The following TMEM117 variants were observed in gnomAD, a reference collection of about 807,000 sequenced individuals.
TMEM117 encodes transmembrane protein 117.
Under a neutral mutation model 52.4 loss-of-function variants are expected in TMEM117, and 27 were observed. The ratio of observed to expected loss-of-function variants is 0.51; its 90% CI spans 0.38 to 0.71. TMEM117 has a LOEUF of 0.71. Among genes scored for constraint, TMEM117 ranks in the 30% least tolerant of loss-of-function variants. The pLI is 0.00. For missense variants in TMEM117, 556 were observed against 630.5 expected (o/e 0.88, Z 1.26); for synonymous variants, 215 against 206.3 (o/e 1.04, Z -0.36).
intron 2 of TMEM117, among the ~76,000 whole-genome samples, chr12:43,885,414 C>CTTTTTTTT (rs63547361): frequency 9.1e-4 from 124 of 136,548 alleles, no homozygotes; most frequent in Middle Eastern, 4.1e-3. Context: ...TTTTTCTTTT[C>CTTTTTTTT]TTTTCTTTTT....
intron 5 of TMEM117, among the ~76,000 whole-genome samples, chr12:44,247,465 A>C (rs1031806878): frequency 6.6e-6 from 1 of 152,170 alleles, no homozygotes; most frequent in Non-Finnish European, 1.5e-5. Flanking sequence ...ACAATTGTAC[A>C]TATTTATGGT....
chr12:44,135,272 C>T (rs1948473213), intron 3 of TMEM117, among the ~76,000 whole-genome samples: 1 of 152,180 alleles, frequency 6.6e-6, no homozygotes, highest in African/African-American at 2.4e-5. Flanking sequence ...TACTAGAAAA[C>T]AGGCACTGAG....
intron 2 of TMEM117, among the ~76,000 whole-genome samples, chr12:43,941,816 G>A (rs1427335765): frequency 6.6e-6 from 1 of 152,084 alleles, no homozygotes; most frequent in Non-Finnish European, 1.5e-5. Context: ...CGATGAGCTT[G>A]GCAGTGACAG....
intron 3 of TMEM117, among the ~76,000 whole-genome samples, chr12:43,994,101 T>C (rs754581226): frequency 6.6e-6 from 1 of 152,214 alleles, no homozygotes; most frequent in Non-Finnish European, 1.5e-5. Context: ...GGGACCAACC[T>C]GAGTCCATGG....
chr12:44,326,379 T>TTCTGAATG (rs960109764), intron 6 of TMEM117, among the ~76,000 whole-genome samples: 1 of 152,136 alleles, frequency 6.6e-6, no homozygotes. Flanking sequence ...ATGTTCTGTG[T>TTCTGAATG]TTCAAATGAG....
chr12:44,187,063 C>G (rs1949287664), intron 4 of TMEM117, among the ~76,000 whole-genome samples: 1 of 152,252 alleles, frequency 6.6e-6, no homozygotes, highest in East Asian at 1.9e-4. Flanking sequence ...GCCATCCTTA[C>G]TTAATTCTCA....
chr12:44,268,583 A>T (rs1024710215), intron 5 of TMEM117, among the ~76,000 whole-genome samples: 1 of 152,138 alleles, frequency 6.6e-6, no homozygotes, highest in African/African-American at 2.4e-5. Flanking sequence ...TGAGTTTATC[A>T]TTTATAGAAG....
At chr12:44,211,856 A>G (rs1397312785) in intron 5 of TMEM117, among the ~76,000 whole-genome samples, 5 of 152,166 alleles carry the variant, frequency 3.3e-5, no homozygotes, top group African/African-American at 4.8e-5. Context: ...CTTTGCAATT[A>G]AAAAACAATC....
chr12:43,866,829 G>A (rs898819219), intron 2 of TMEM117, among the ~76,000 whole-genome samples: 2 of 152,160 alleles, frequency 1.3e-5, no homozygotes, highest in Admixed American at 6.5e-5. Context: ...GGTGGCTTAC[G>A]CCTGTAATCC....
the TMEM117 span, among the ~76,000 whole-genome samples, chr12:43,826,960 T>C: frequency 2.6e-5 from 4 of 151,940 alleles, no homozygotes; most frequent in Non-Finnish European, 4.4e-5. Flanking sequence ...ATGACCAAAA[T>C]ACCCTTTTGA....
intron 3 of TMEM117, among the ~76,000 whole-genome samples, chr12:44,099,014 A>G (rs1947819555): frequency 6.6e-6 from 1 of 152,068 alleles, no homozygotes; most frequent in South Asian, 2.1e-4. Flanking sequence ...GAGCAGTCTC[A>G]TGATGTGTTA....
intron 3 of TMEM117, among the ~76,000 whole-genome samples, chr12:43,954,914 G>T (rs559594873): frequency 3.9e-5 from 6 of 152,246 alleles, no homozygotes; most frequent in African/African-American, 1.4e-4. Flanking sequence ...GAATCCAGCA[G>T]CACATCAAAA....
intron 6 of TMEM117, among the ~76,000 whole-genome samples, chr12:44,331,110 C>A (rs1176053193): frequency 6.6e-6 from 1 of 151,614 alleles, no homozygotes; most frequent in Non-Finnish European, 1.5e-5. Context: ...GAGGTGACCA[C>A]TGAATATTTG....
the TMEM117 span, among the ~76,000 whole-genome samples, chr12:43,821,931 G>A: frequency 6.6e-6 from 1 of 152,144 alleles, no homozygotes; most frequent in South Asian, 2.1e-4. Flanking sequence ...AGCCATGATG[G>A]CCTAGAACAC....
downstream of TMEM117, among the ~76,000 whole-genome samples, chr12:44,392,620 C>T (rs1314195233): frequency 6.6e-6 from 1 of 151,454 alleles, no homozygotes; most frequent in African/African-American, 2.4e-5. Flanking sequence ...TGTGCTGCAC[C>T]CATTAACTCG....
intron 2 of TMEM117, among the ~76,000 whole-genome samples, chr12:43,912,446 A>G (rs1944523391): frequency 6.7e-6 from 1 of 150,008 alleles, no homozygotes; most frequent in South Asian, 2.1e-4. Flanking sequence ...ATGTATACGT[A>G]TGTAACTAAC....
At chr12:43,841,955 A>G (rs961021837) in intron 1 of TMEM117, among the ~76,000 whole-genome samples, 4 of 152,216 alleles carry the variant, frequency 2.6e-5, no homozygotes, top group African/African-American at 4.8e-5. Context: ...TGGCGAAAGA[A>G]GCAACAGCAG....
At chr12:44,254,325 T>C (rs944912617) in intron 5 of TMEM117, among the ~76,000 whole-genome samples, 3 of 151,956 alleles carry the variant, frequency 2.0e-5, no homozygotes, top group African/African-American at 7.2e-5. Flanking sequence ...ATCAATCAAT[T>C]AGAAGAACAC....
intron 5 of TMEM117, among the ~76,000 whole-genome samples, chr12:44,294,851 A>G (rs1458991846): frequency 1.3e-5 from 2 of 152,348 alleles, no homozygotes; most frequent in African/African-American, 4.8e-5. Context: ...TCTGCTCAGA[A>G]CAGAATGCAA....
Sources: gnomAD v4.1 joint callset for allele counts (sites outside exome capture counted in the v4.1 genomes callset) on GRCh38, gnomAD v4.1.1 for gene constraint, MANE v1.5 for transcripts, NCBI Gene and HGNC (gene_info 2026-07-23, HGNC 2026-07-21) for gene names.